ISCA1: variants seen among roughly 807,000 people sequenced by gnomAD.
ISCA1 encodes iron-sulfur cluster assembly 1 homolog, mitochondrial.
Under a neutral mutation model 14.7 loss-of-function variants are expected in ISCA1, and 9 were observed. The observed-to-expected ratio is 0.61, with a 90% CI of 0.37 to 1.07. The LOEUF (loss-of-function observed/expected upper bound fraction) is 1.07, where lower values mean the gene tolerates loss of function less well. ISCA1 is among the 50% of genes least tolerant of loss of function. ISCA1 has a pLI of 0.01. For synonymous variants in ISCA1, 38 were observed against 54.3 expected, an observed-to-expected ratio of 0.70 and a Z score of 1.32; for missense variants, 102 against 150.1, an observed-to-expected ratio of 0.68 and a Z score of 1.67.
chr9:86,274,348 T>C (rs1825415709), intron 1 of ISCA1, 106 bp from the exon 2 acceptor site: 1 of 727,156 alleles, frequency 1.4e-6, no homozygotes, highest in Non-Finnish European at 2.4e-6. Context: ...GACAAATTTA[T>C]GTTCCATTCT....
intron 1 of ISCA1, chr9:86,282,175 G>A (rs1392031376): frequency 4.9e-6 from 3 of 609,102 alleles, no homozygotes; most frequent in East Asian, 6.2e-5. Context: ...GGCCAAGAGA[G>A]CAGCCCCGCC....
intron 3 of ISCA1, among the ~76,000 whole-genome samples, chr9:86,271,330 C>T (rs1388088067): frequency 1.3e-5 from 2 of 152,036 alleles, no homozygotes; most frequent in Non-Finnish European, 2.9e-5. Flanking sequence ...ATTTCTCAGA[C>T]CGTCTAGGTT....
At chr9:86,268,015 C>T (rs1052190138) in intron 3 of ISCA1, among the ~76,000 whole-genome samples, 2 of 151,820 alleles carry the variant, frequency 1.3e-5, no homozygotes, top group African/African-American at 4.8e-5. Context: ...ATGTACACTA[C>T]ATAATACTTG....
At chr9:86,274,139 T>C (rs1449718501) in intron 2 of ISCA1, 50 bp downstream of exon 2, 1 of 1,032,722 alleles carries the variant, frequency 9.7e-7, no homozygotes, top group African/African-American at 1.6e-5. Flanking sequence ...AAATTCATTC[T>C]GAAAATGCAG....
At chr9:86,269,833 C>A (rs1825343938) in intron 3 of ISCA1, among the ~76,000 whole-genome samples, 1 of 152,082 alleles carries the variant, frequency 6.6e-6, no homozygotes, top group Admixed American at 6.6e-5. Context: ...CAAAAACAAG[C>A]AATGGGGAAA....
At chr9:86,281,963 A>G (rs1375249770) in intron 1 of ISCA1, 2 of 173,906 alleles carry the variant, frequency 1.2e-5, no homozygotes, top group African/African-American at 4.8e-5. Flanking sequence ...TCCCCACCCC[A>G]CGCACCTCCA....
chr9:86,273,943 T>A (rs973102232), intron 2 of ISCA1, among the ~76,000 whole-genome samples: 1 of 152,196 alleles, frequency 6.6e-6, no homozygotes, highest in African/African-American at 2.4e-5. Flanking sequence ...GTATACATTA[T>A]CCCTGGAAGG....
chr9:86,273,233 T>C (rs367765871), intron 2 of ISCA1, among the ~76,000 whole-genome samples: 1 of 152,250 alleles, frequency 6.6e-6, no homozygotes, highest in African/African-American at 2.4e-5. Flanking sequence ...AATTATTAAA[T>C]ATTGCAATCC....
intron 3 of ISCA1, among the ~76,000 whole-genome samples, chr9:86,268,383 C>A (rs182218803): frequency 7.0e-6 from 1 of 142,170 alleles, no homozygotes; most frequent in Non-Finnish European, 1.5e-5. Flanking sequence ...AGAATAAGAA[C>A]GTAAAAAATT....
At chr9:86,276,870 C>CAAA (rs35460722) in intron 1 of ISCA1, among the ~76,000 whole-genome samples, 9,169 of 39,858 alleles carry the variant, frequency 0.23, 2,015 homozygotes, top group East Asian at 0.43. Flanking sequence ...GACTCTGTCT[C>CAAA]AAAAAAAAAA....
At chr9:86,279,990 C>A (rs1454866824) in intron 1 of ISCA1, among the ~76,000 whole-genome samples, 1 of 152,114 alleles carries the variant, frequency 6.6e-6, no homozygotes, top group Non-Finnish European at 1.5e-5. Context: ...TTAAGTAGGA[C>A]AACAGAGTAC....
chr9:86,270,860 A>G (rs1351483206), intron 3 of ISCA1, among the ~76,000 whole-genome samples: 1 of 147,002 alleles, frequency 6.8e-6, no homozygotes, highest in African/African-American at 2.5e-5. Context: ...ACCAAACACC[A>G]CATGTTCTCA....
At chr9:86,279,498 T>C (rs1825482910) in intron 1 of ISCA1, among the ~76,000 whole-genome samples, 1 of 152,242 alleles carries the variant, frequency 6.6e-6, no homozygotes, top group African/African-American at 2.4e-5. Flanking sequence ...TGTTATATTA[T>C]CAGTTACTTT....
At chr9:86,270,637 T>G (rs1025784932) in intron 3 of ISCA1, among the ~76,000 whole-genome samples, 1 of 152,058 alleles carries the variant, frequency 6.6e-6, no homozygotes, top group African/African-American at 2.4e-5. Flanking sequence ...TAAAGACACA[T>G]GCACACGTAT....
chr9:86,266,709 G>A (rs949787376), intron 3 of ISCA1, among the ~76,000 whole-genome samples: 1 of 151,996 alleles, frequency 6.6e-6, no homozygotes, highest in African/African-American at 2.4e-5. Context: ...CACAGGTAGA[G>A]GTCAGCATCT....
intron 1 of ISCA1, among the ~76,000 whole-genome samples, chr9:86,275,693 T>TA (rs1416094541): frequency 2.6e-5 from 4 of 152,288 alleles, no homozygotes; most frequent in East Asian, 1.9e-4. Flanking sequence ...CATGTCACTG[T>TA]AAAAAAACAA....
At chr9:86,269,432 A>G (rs1825336895) in intron 3 of ISCA1, among the ~76,000 whole-genome samples, 1 of 152,220 alleles carries the variant, frequency 6.6e-6, no homozygotes, top group South Asian at 2.1e-4. Flanking sequence ...TGCTCAATGA[A>G]ATAAAAAAGG....
rs536817240 is a variant in ISCA1 at position 86,271,544 on chromosome 9, T to C, written c.241+463A>G. Among the ~76,000 whole-genome samples, 5 of 152,308 alleles carry C rather than the reference T, an allele frequency of 3.3e-5. No individual in the cohort carries two copies. The South Asian group carries it at 1.0e-3, about 32-fold the overall frequency. On this transcript the variant is annotated intron_variant, in intron 3 of 3. Transcript: ENST00000375991. ...ATTTGGGAGCATTTCAGATTTCAGA[T>C]TTTTGGATTGGAATGCTCAACTCGT... is the stretch of plus-strand genomic sequence containing the variant.
At chr9:86,275,100 C>G (rs954275441) in intron 1 of ISCA1, among the ~76,000 whole-genome samples, 2 of 152,196 alleles carry the variant, frequency 1.3e-5, no homozygotes, top group Admixed American at 6.5e-5. Context: ...TATTCCCTTA[C>G]TGGTGAAACA....
Sources: gnomAD v4.1 joint callset for allele counts (sites outside exome capture counted in the v4.1 genomes callset) on GRCh38, gnomAD v4.1.1 for gene constraint, MANE v1.5 for transcripts, NCBI Gene and HGNC (gene_info 2026-07-23, HGNC 2026-07-21) for gene names.